The following GRIK4 variants were observed in gnomAD, a reference collection of about 807,000 sequenced individuals.
GRIK4 encodes glutamate ionotropic receptor kainate type subunit 4, also known as glutamate receptor ionotropic, kainate 4.
Under a neutral mutation model 104.9 loss-of-function variants are expected in GRIK4, and 40 were observed. That is an observed-to-expected ratio of 0.38 (90% CI 0.30 to 0.50). The LOEUF (loss-of-function observed/expected upper bound fraction) is 0.50, where lower values mean the gene tolerates loss of function less well. GRIK4 is among the 20% of genes least tolerant of loss of function. The pLI, the probability that GRIK4 is intolerant of heterozygous loss-of-function variation, is 0.93. For missense variants in GRIK4, 1,047 were observed against 1,308.1 expected, an observed-to-expected ratio of 0.80 and a Z score of 3.08; for synonymous variants, 485 against 524.9, an observed-to-expected ratio of 0.92 and a Z score of 1.04.
At chr11:120,606,618 C>T (rs984430066) in intron 1 of GRIK4, among the ~76,000 whole-genome samples, 1 of 152,214 alleles carries the variant, frequency 6.6e-6, no homozygotes, top group Non-Finnish European at 1.5e-5. Flanking sequence ...GAGCTAGGCC[C>T]TGGGGATTTT....
chr11:120,937,706 G>C (rs1943628640), intron 13 of GRIK4, among the ~76,000 whole-genome samples: 1 of 152,186 alleles, frequency 6.6e-6, no homozygotes, highest in Non-Finnish European at 1.5e-5. Flanking sequence ...CAGACGTGAG[G>C]CACAAGCTCT....
chr11:120,868,224 A>G (rs1954478592), intron 9 of GRIK4: 1 of 152,258 alleles, frequency 6.6e-6, no homozygotes, highest in South Asian at 2.1e-4. Flanking sequence ...CTTAATTTAT[A>G]CAGAGCCTTG....
intron 3 of GRIK4, among the ~76,000 whole-genome samples, chr11:120,686,718 C>T (rs868758485): frequency 6.6e-6 from 1 of 152,224 alleles, no homozygotes; most frequent in South Asian, 2.1e-4. Flanking sequence ...ATTTCTGCTT[C>T]AGATTTACCT....
intron 1 of GRIK4, among the ~76,000 whole-genome samples, chr11:120,541,693 A>C (rs902434725): frequency 6.6e-6 from 1 of 151,966 alleles, no homozygotes; most frequent in Non-Finnish European, 1.5e-5. Context: ...GGGTTTTGCC[A>C]TGTTGCTTAG....
chr11:120,933,137 C>T (rs190203217), intron 13 of GRIK4, among the ~76,000 whole-genome samples: 203 of 152,314 alleles, frequency 1.3e-3, no homozygotes, highest in Admixed American at 0.012. Flanking sequence ...CATAGACAGA[C>T]GGTCACACCA....
intron 3 of GRIK4, among the ~76,000 whole-genome samples, chr11:120,685,484 G>A (rs1368681759): frequency 1.3e-5 from 2 of 152,160 alleles, no homozygotes; most frequent in African/African-American, 4.8e-5. Flanking sequence ...GATGGGACTT[G>A]GAAGTTAATA....
chr11:120,811,177 G>A (rs1164344744), intron 4 of GRIK4, among the ~76,000 whole-genome samples: 1 of 152,178 alleles, frequency 6.6e-6, no homozygotes. Flanking sequence ...CAGGACTTAA[G>A]GAGACCAGAG....
rs151091579 is a variant in GRIK4, at chr11:120,874,214, G to A, written c.1055G>A (p.Arg352His). The change falls in exon 10 of 21, where the codon CGC becomes CAC. Residue 352 changes from arginine (R) to histidine (H), a missense_variant. Transcript: ENST00000527524. ...GGCACCAGCCTCATGAACTACCTGC[G>A]CATGGTGAGGAGCGGCTGAGGCCCT... ...QHGTSLMNYL[R>H]MVELEGLTGH... The A allele has an allele frequency of 1.1e-5, 17 of 1,610,296 alleles. No homozygotes were observed. The highest frequency in any genetic ancestry group is 4.0e-5 in the African/African-American group (3 of 75,018).
intron 9 of GRIK4, chr11:120,872,836 G>C (rs113662067): frequency 2.6e-5 from 4 of 154,932 alleles, no homozygotes; most frequent in African/African-American, 9.6e-5. Context: ...TAGATGGCAC[G>C]TTCCTCAAGG....
At chr11:120,672,985 G>A (rs1372728337) in intron 3 of GRIK4, among the ~76,000 whole-genome samples, 1 of 152,138 alleles carries the variant, frequency 6.6e-6, no homozygotes, top group Non-Finnish European at 1.5e-5. Flanking sequence ...GGTGAGAGAG[G>A]GCATACCTGT....
At chr11:120,635,141 G>A (rs927379731) in intron 1 of GRIK4, among the ~76,000 whole-genome samples, 22 of 152,100 alleles carry the variant, frequency 1.4e-4, no homozygotes, top group African/African-American at 4.1e-4. Context: ...GCAAAGGGTC[G>A]GGTTCCTTCT....
chr11:120,593,532 C>T (rs1384459715), intron 1 of GRIK4, among the ~76,000 whole-genome samples: 1 of 152,010 alleles, frequency 6.6e-6, no homozygotes, highest in Non-Finnish European at 1.5e-5. Context: ...TTCTCGTATC[C>T]CTTTCTGTTG....
At chr11:120,580,600 G>T (rs138298537) in intron 1 of GRIK4, among the ~76,000 whole-genome samples, 1 of 148,916 alleles carries the variant, frequency 6.7e-6, no homozygotes, top group African/African-American at 2.5e-5. Context: ...ACAGGGTTTT[G>T]CTCTGTCATC....
intron 3 of GRIK4, among the ~76,000 whole-genome samples, chr11:120,767,949 A>G (rs184543313): frequency 4.9e-4 from 74 of 150,826 alleles, no homozygotes; most frequent in Admixed American, 1.8e-3. Context: ...GATTACTACA[A>G]CTTTGTAATA....
intron 1 of GRIK4, among the ~76,000 whole-genome samples, 163 bp downstream of exon 1, chr11:120,512,050 CCCCGCG>C (rs1591665561): frequency 1.4e-5 from 2 of 147,500 alleles, no homozygotes; most frequent in African/African-American, 4.9e-5. Flanking sequence ...CGGCCCCCGC[CCCCGCG>C]CCCTCCTCCC....
At chr11:120,654,011 ACTGT>A (rs1197406049) in intron 2 of GRIK4, among the ~76,000 whole-genome samples, 1 of 152,034 alleles carries the variant, frequency 6.6e-6, no homozygotes, top group Non-Finnish European at 1.5e-5. Context: ...CTGTTTTTGA[ACTGT>A]CTGTCTTCCA....
intron 5 of GRIK4, among the ~76,000 whole-genome samples, chr11:120,817,685 A>T (rs113389898): frequency 6.6e-6 from 1 of 152,152 alleles, no homozygotes; most frequent in African/African-American, 2.4e-5. Flanking sequence ...GTATAGATCG[A>T]TCTTTGTCCC....
chr11:120,530,746 G>T (rs762520587), intron 1 of GRIK4, among the ~76,000 whole-genome samples: 2 of 152,078 alleles, frequency 1.3e-5, no homozygotes, highest in Non-Finnish European at 2.9e-5. Context: ...AAACCAAGGG[G>T]CCTGCTACAG....
chr11:120,589,768 A>G (rs1433871858), intron 1 of GRIK4, among the ~76,000 whole-genome samples: 1 of 152,176 alleles, frequency 6.6e-6, no homozygotes, highest in African/African-American at 2.4e-5. Flanking sequence ...GGAGACAGGC[A>G]CATTTGTCTC....
Sources: gnomAD v4.1 joint callset for allele counts (sites outside exome capture counted in the v4.1 genomes callset) on GRCh38, gnomAD v4.1.1 for gene constraint, MANE v1.5 for transcripts, NCBI Gene and HGNC (gene_info 2026-07-23, HGNC 2026-07-21) for gene names.